WFS1: variants seen among roughly 807,000 people sequenced by gnomAD.
WFS1 encodes the protein wolframin.
A neutral mutation model predicts 68.5 loss-of-function variants in WFS1; 90 were observed. The observed-to-expected ratio is 1.31, with a 90% confidence interval of 1.11 to 1.56. The LOEUF (loss-of-function observed/expected upper bound fraction) is 1.56, where lower values mean the gene tolerates loss of function less well. WFS1 is among the 40% of genes most tolerant of loss of function. WFS1 has a pLI of 0.00. For missense variants in WFS1, 1,767 were observed against 1,232.6 expected (o/e 1.43, Z -6.49); for synonymous variants, 860 against 540.7 (o/e 1.59, Z -8.19).
At chr4:6,293,970 C>A (rs555723696) in intron 6 of WFS1, among the ~76,000 whole-genome samples, 1 of 152,072 alleles carries the variant, frequency 6.6e-6, no homozygotes, top group Non-Finnish European at 1.5e-5. Context: ...CCTGTGCTAC[C>A]TGCCACTTGT....
intron 7 of WFS1, among the ~76,000 whole-genome samples, chr4:6,298,214 G>A (rs993370764): frequency 1.3e-5 from 2 of 152,230 alleles, no homozygotes; most frequent in African/African-American, 4.8e-5. Context: ...GCAGCCTGCC[G>A]GCTGACGCAC....
rs151028317 is a variant in WFS1 at position 6,287,209 on chromosome 4, C to T, written c.315+34C>T. On this transcript the variant is annotated intron_variant, in intron 3 of 7. Coordinates refer to ENST00000226760, the MANE Select transcript of WFS1 (RefSeq NM_006005.3). This position sits in a 1 kb window ranked among gnomAD's most constrained non-coding sequence, Gnocchi z 6.4. ...TGCGGTGCCGGCAGGGACTTCGGGA[C>T]GCGGCCCCCGGCACAACAGGCCTGG... The T allele has an allele frequency of 4.8e-4, 740 of 1,535,352 alleles. 6 individuals carry two copies. The African/African-American group carries it at 8.9e-3, about 19-fold the overall frequency.
chr4:6,292,569 C>T (rs1274059077), intron 6 of WFS1, among the ~76,000 whole-genome samples: 3 of 152,092 alleles, frequency 2.0e-5, no homozygotes, highest in African/African-American at 4.8e-5. Flanking sequence ...TGAGAAGAGA[C>T]GTCACATCCT....
At chr4:6,290,713 C>T (rs1039627556) in intron 4 of WFS1, among the ~76,000 whole-genome samples, 7 of 151,394 alleles carry the variant, frequency 4.6e-5, no homozygotes, top group Non-Finnish European at 7.4e-5. Flanking sequence ...TCCCTCTCCC[C>T]GCTGTCCAAG....
intron 7 of WFS1, among the ~76,000 whole-genome samples, chr4:6,300,367 A>G (rs1560417377): frequency 6.6e-6 from 1 of 152,082 alleles, no homozygotes; most frequent in South Asian, 2.1e-4. Context: ...GAGGTCTTGC[A>G]GGGAGAGAAG....
chr4:6,294,881 C>G, intron 6 of WFS1, 160 bp from the exon 7 acceptor site: 1 of 1,243,632 alleles, frequency 8.0e-7, no homozygotes, highest in Non-Finnish European at 1.1e-6. Context: ...GCCTGGTCCT[C>G]AACCCTCAGG....
intron 7 of WFS1, among the ~76,000 whole-genome samples, chr4:6,296,403 C>T (rs1419093112): frequency 6.6e-6 from 1 of 152,200 alleles, no homozygotes; most frequent in Non-Finnish European, 1.5e-5. Flanking sequence ...TTGGGACAGG[C>T]TGTATGTCCA....
chr4:6,283,549 G>A lies in WFS1; in HGVS notation c.233-3544G>A, dbSNP rs1419252626. Reference sequence around the variant, plus strand: ...GCTTTCCTGTGCTGCCTGTGTCTCAGGGGCTCTGCCCACAGGGTGACCTTC... The same window carrying A: ...GCTTTCCTGTGCTGCCTGTGTCTCAAGGGCTCTGCCCACAGGGTGACCTTC... On this transcript the variant is annotated intron_variant, in intron 2 of 7. Coordinates refer to ENST00000226760, the MANE Select transcript of WFS1 (RefSeq NM_006005.3). This position sits in a 1 kb window ranked among gnomAD's most constrained non-coding sequence, Gnocchi z 5.0. 6.6e-6 allele frequency among the ~76,000 whole-genome samples: 1 copy of A among 152,212 alleles called. No individual in the cohort carries two copies. Among genetic ancestry groups the A allele is most frequent in the Non-Finnish European group, 1.5e-5 (1 of 68,048 alleles).
chr4:6,300,058 T>G (rs1213728170), intron 7 of WFS1, among the ~76,000 whole-genome samples: 1 of 152,042 alleles, frequency 6.6e-6, no homozygotes, highest in Non-Finnish European at 1.5e-5. Flanking sequence ...GGCAGCCCCG[T>G]GCAGCTGAAC....
At position 6,301,999 on chromosome 4, in the gene WFS1, A is replaced by G. The variant is rs1730949610; in HGVS notation, c.2204A>G (p.Tyr735Cys). The G allele has an allele frequency of 6.2e-7, 1 of 1,612,686 alleles. No homozygotes were observed. Among genetic ancestry groups the G allele is most frequent in the Non-Finnish European group, 8.5e-7 (1 of 1,179,908 alleles). ...ATCGGCGACTGGATGCGCTGCCTCT[A>G]CGGCGAGGCCTACCCTGCCTGCAGC... ...FFIGDWMRCL[Y>C]GEAYPACSPG... The change falls in exon 8 of 8, where the codon TAC (tyrosine) becomes TGC (cysteine). Residue 735 changes from tyrosine to cysteine, a missense_variant. Transcript: ENST00000226760.
At chr4:6,275,689 G>A (rs1201773626) in intron 1 of WFS1, among the ~76,000 whole-genome samples, 1 of 152,172 alleles carries the variant, frequency 6.6e-6, no homozygotes. Context: ...AGGAACGTGT[G>A]GATTGAAATC....
chr4:6,285,504 T>C (rs2109112969), intron 2 of WFS1, among the ~76,000 whole-genome samples: 1 of 152,244 alleles, frequency 6.6e-6, no homozygotes, highest in Non-Finnish European at 1.5e-5. Context: ...GAAGAATCCA[T>C]CTGATTCTTT....
chr4:6,277,795 C>G (rs963659698), intron 2 of WFS1, 108 bp downstream of exon 2: 2 of 1,215,900 alleles, frequency 1.6e-6, no homozygotes, highest in Non-Finnish European at 2.3e-6. Context: ...CTCTGCAGTT[C>G]AGCATTGTGC....
chr4:6,299,273 C>T (rs1403626919), intron 7 of WFS1, among the ~76,000 whole-genome samples: 1 of 152,246 alleles, frequency 6.6e-6, no homozygotes, highest in East Asian at 1.9e-4. Flanking sequence ...GCATGCCTCC[C>T]TCAGCCCTCT....
At chr4:6,299,330 C>A (rs920852190) in intron 7 of WFS1, among the ~76,000 whole-genome samples, 1 of 152,218 alleles carries the variant, frequency 6.6e-6, no homozygotes, top group African/African-American at 2.4e-5. Flanking sequence ...CTGACCTTAG[C>A]GCTGCATGCA....
rs71530924 is a variant in WFS1 at position 6,277,650 on chromosome 4, C to T, written c.195C>T (p.Ala65=). The stretch of plus-strand genomic sequence containing the variant: ...CAGCGGCCCCCGCTGAACCCCAGGC[C>T]CAGCATACCAGGAGCCGGGAAAGAG... The part of the protein sequence containing the change: ...RDAAAPAEPQ[A]QHTRSRERAD... Residue 65 remains alanine, a synonymous_variant, in exon 2 of 8, where the codon GCC becomes GCT. Coordinates refer to ENST00000226760, the MANE Select transcript of WFS1 (RefSeq NM_006005.3). 6.4e-7 allele frequency: 1 copy of T among 1,566,060 alleles called. No individual in the cohort carries two copies. Among genetic ancestry groups the T allele is most frequent in the Admixed American group, 1.9e-5 (1 of 53,182 alleles).
At chr4:6,278,166 G>A (rs1730054648) in intron 2 of WFS1, among the ~76,000 whole-genome samples, 1 of 152,158 alleles carries the variant, frequency 6.6e-6, no homozygotes, top group Non-Finnish European at 1.5e-5. Flanking sequence ...CGGGATGCTG[G>A]GGCCCTGGGT....
rs1272428114 is a variant in WFS1, at chr4:6,303,141, C to CCTGTGGGGGTGG, written c.*682_*683insTGGCTGTGGGGG. The stretch of plus-strand genomic sequence containing the variant: ...CATCAGGACTTGGGAAACAGAGAAC[C>CCTGTGGGGGTGG]CTGTGGGGGCGGCTGTGGGGGAGGT... On this transcript the variant is annotated 3_prime_UTR_variant, in exon 8 of 8. Transcript: ENST00000226760. 2 of 149,548 alleles carry CCTGTGGGGGTGG rather than the reference C, an allele frequency of 1.3e-5. No homozygotes were observed. Among genetic ancestry groups the CCTGTGGGGGTGG allele is most frequent in the African/African-American group, 5.3e-5 (2 of 37,612 alleles). The allele number at this position is 149,548 out of a possible 1,614,324, so 9.3% of individuals were successfully genotyped here.
At chr4:6,292,110 C>T (rs1437754823) in intron 6 of WFS1, 113 bp downstream of exon 6, 1 of 1,119,708 alleles carries the variant, frequency 8.9e-7, no homozygotes, top group South Asian at 1.4e-5. Context: ...CCGTGCCTCC[C>T]AGCCTGCGCC....
Sources: gnomAD v4.1 joint callset for allele counts (sites outside exome capture counted in the v4.1 genomes callset) on GRCh38, gnomAD v4.1.1 for gene constraint, Gnocchi (gnomAD v3.1) non-coding constraint, MANE v1.5 for transcripts, NCBI Gene and HGNC (gene_info 2026-07-23, HGNC 2026-07-21) for gene names.